LATS2: variants seen among roughly 807,000 people sequenced by gnomAD.
LATS2 encodes serine/threonine-protein kinase LATS2.
In LATS2, 24 loss-of-function variants were observed where a neutral mutation model predicts 76.0. The observed-to-expected ratio is 0.32, with a 90% CI of 0.23 to 0.44. LATS2 has a LOEUF of 0.44. Ranked by LOEUF, LATS2 falls within the 20% of genes least tolerant of loss-of-function variation. LATS2 has a pLI of 1.00. For missense variants in LATS2, 1,286 were observed against 1,481.2 expected, an observed-to-expected ratio of 0.87 and a Z score of 2.16; for synonymous variants, 692 against 635.4, an observed-to-expected ratio of 1.09 and a Z score of -1.34.
At chr13:21,031,315 T>C (rs1210861689) in intron 2 of LATS2, among the ~76,000 whole-genome samples, 4 of 152,208 alleles carry the variant, frequency 2.6e-5, no homozygotes, top group Non-Finnish European at 4.4e-5. Flanking sequence ...TATTCTTGGA[T>C]TTCAATTTCA....
intron 2 of LATS2, among the ~76,000 whole-genome samples, chr13:20,993,690 G>C (rs1870611421): frequency 6.6e-6 from 1 of 152,192 alleles, no homozygotes; most frequent in Non-Finnish European, 1.5e-5. Context: ...GTTGCAGAGA[G>C]AAGGCAGCGG....
chr13:20,988,719 C>T lies in LATS2; in HGVS notation c.1061G>A (p.Ser354Asn). Residue 354 changes from serine (S) to asparagine (N), a missense_variant, in exon 4 of 8, where the codon AGC (serine) becomes AAC (asparagine). By Grantham distance (46) the Ser-to-Asn change is conservative. Transcript: ENST00000382592. The part of the protein sequence containing the change: ...PQSLLTPSRN[S>N]LNVDLYELGS... ...CAATTCATACAGGTCCACGTTGAGG[C>T]TGTTCCGCGAGGGAGTGAGCAGGCT... The T allele has an allele frequency of 6.4e-7, 1 of 1,565,406 alleles. No homozygotes were observed. Among genetic ancestry groups the T allele is most frequent in the Non-Finnish European group, 8.6e-7 (1 of 1,162,994 alleles).
Position 21,042,638 on chromosome 13 carries a change from G to C in LATS2, c.342+3047C>G, listed in dbSNP as rs1022389690. Among the ~76,000 whole-genome samples, 3 of 151,976 alleles carry C rather than the reference G, an allele frequency of 2.0e-5. No homozygotes were observed. In the South Asian group the frequency reaches 6.2e-4, roughly 32 times the overall value. ...GAAGGTCGAGGCTGCAGTGAGCATT[G>C]ACCTCACCACCACACTCCAGACTGT... On this transcript the variant is annotated intron_variant, in intron 2 of 7. Transcript: ENST00000382592.
chr13:21,016,890 T>A (rs1254505170), intron 2 of LATS2, among the ~76,000 whole-genome samples: 1 of 152,236 alleles, frequency 6.6e-6, no homozygotes, highest in South Asian at 2.1e-4. Flanking sequence ...TTCCTGTTGT[T>A]AAGTCCGGTT....
chr13:21,007,680 A>AGTG (rs1167947925), intron 2 of LATS2, among the ~76,000 whole-genome samples: 86 of 2,942 alleles, frequency 0.029, 21 homozygotes, highest in East Asian at 0.12. Context: ...ATATATATAT[A>AGTG]TAGTATATAT....
chr13:20,978,902 C>T (rs1030583327), intron 7 of LATS2, among the ~76,000 whole-genome samples: 4 of 152,120 alleles, frequency 2.6e-5, no homozygotes, highest in African/African-American at 9.7e-5. Flanking sequence ...GCTGGGATTA[C>T]AGGTGCACAC....
chr13:21,001,580 A>G (rs368665309), intron 2 of LATS2, among the ~76,000 whole-genome samples: 1 of 152,180 alleles, frequency 6.6e-6, no homozygotes, highest in Non-Finnish European at 1.5e-5. Context: ...ACTGTGTTGC[A>G]GTTCTAACCC....
intron 2 of LATS2, among the ~76,000 whole-genome samples, chr13:20,994,819 T>C (rs2138303949): frequency 6.9e-6 from 1 of 144,648 alleles, no homozygotes; most frequent in East Asian, 2.0e-4. Flanking sequence ...GTCCAGGAAG[T>C]AGGGCAGGCT....
At chr13:21,046,251 G>T in intron 1 of LATS2, 21 bp from the exon 2 acceptor site, 1 of 443,978 alleles carries the variant, frequency 2.3e-6, no homozygotes, top group Non-Finnish European at 4.0e-6. Flanking sequence ...AAATAAATGG[G>T]AGAGAAATGT....
chr13:20,983,430 C>T lies in LATS2; in HGVS notation c.2276G>A (p.Arg759Gln), dbSNP rs750816560. 67 of 1,613,852 alleles carry T rather than the reference C, an allele frequency of 4.2e-5. No individual in the cohort carries two copies. Among genetic ancestry groups the T allele is most frequent in the East Asian group, 6.7e-5 (3 of 44,878 alleles). The change falls in exon 5 of 8, where the codon CGG (arginine) becomes CAG (glutamine). Residue 759 changes from arginine (R) to glutamine (Q), a missense_variant. Transcript: ENST00000382592. ...PGGDMMSLLI[R>Q]MEVFPEHLAR... ...CAGGTGCTCAGGGAAGACCTCCATC[C>T]GGATCAGCAGGCTCATCATGTCCCC...
Position 20,988,790 on chromosome 13 carries a change from C to A in LATS2, c.990G>T (p.Val330=). Residue 330 remains valine, a synonymous_variant, in exon 4 of 8, where the codon GTG becomes GTT. Coordinates refer to ENST00000382592, the MANE Select transcript of LATS2 (RefSeq NM_014572.3). ...CGAACACCTGGCTGCGGGAGCCCAG[C>A]ACATGCAGCTGGTGGGCCGCGGGAC... The part of the protein sequence containing the change: ...QAGPAAHQLH[V]LGSRSQVFAS... 1.3e-6 allele frequency: 2 copies of A among 1,593,768 alleles called. No individual in the cohort carries two copies. Among genetic ancestry groups the A allele is most frequent in the South Asian group, 2.2e-5 (2 of 90,272 alleles).
intron 2 of LATS2, among the ~76,000 whole-genome samples, chr13:21,043,051 C>T (rs558835648): frequency 2.1e-5 from 3 of 145,042 alleles, no homozygotes; most frequent in South Asian, 2.2e-4. Context: ...TAAGAACTCT[C>T]GGCCAGACGT....
Position 20,973,978 on chromosome 13 carries a change from C to CA in LATS2, c.*891_*892insT, listed in dbSNP as rs1385700443. 5.0e-6 allele frequency: 1 copy of CA among 199,756 alleles called. No individual in the cohort carries two copies. Among genetic ancestry groups the CA allele is most frequent in the East Asian group, 8.5e-5 (1 of 11,726 alleles). 12.4% of individuals were successfully genotyped at this position (199,756 alleles called of 1,614,324 possible). A position where few individuals can be genotyped will look rare whatever the true frequency, so the allele number is the denominator to read the frequency against. Reference sequence around the variant, plus strand: ...TATGACAAATGTTTCAGTTCCCCCCCCCCAAAGAATCCAATCACAACCAAG... The same window carrying CA: ...TATGACAAATGTTTCAGTTCCCCCCCACCCAAAGAATCCAATCACAACCAAG... On this transcript the variant is annotated 3_prime_UTR_variant, in exon 8 of 8. Coordinates refer to ENST00000382592, the MANE Select transcript of LATS2 (RefSeq NM_014572.3).
At chr13:21,044,927 T>C (rs1873011587) in intron 2 of LATS2, among the ~76,000 whole-genome samples, 1 of 152,038 alleles carries the variant, frequency 6.6e-6, no homozygotes, top group Non-Finnish European at 1.5e-5. Flanking sequence ...GGAGTCTCGC[T>C]ATGTTGTCCA....
chr13:21,056,047 C>T (rs1192176945), intron 1 of LATS2, among the ~76,000 whole-genome samples: 2 of 152,246 alleles, frequency 1.3e-5, no homozygotes, highest in Admixed American at 1.3e-4. Flanking sequence ...ATAGCAGCAT[C>T]ATCACAAGGC....
intron 2 of LATS2, among the ~76,000 whole-genome samples, chr13:21,039,845 G>T (rs1360017212): frequency 6.6e-6 from 1 of 152,210 alleles, no homozygotes; most frequent in African/African-American, 2.4e-5. Context: ...AGCTGAGGGT[G>T]AGTGGATCCC....
At chr13:20,998,765 ACAACCTT>A (rs1870886633) in intron 2 of LATS2, among the ~76,000 whole-genome samples, 1 of 139,684 alleles carries the variant, frequency 7.2e-6, no homozygotes, top group African/African-American at 2.6e-5. Context: ...GCGGGGCCCG[ACAACCTT>A]GGGCTGGTGG....
At chr13:21,023,448 T>A (rs948772663) in intron 2 of LATS2, among the ~76,000 whole-genome samples, 1 of 151,488 alleles carries the variant, frequency 6.6e-6, no homozygotes, top group Non-Finnish European at 1.5e-5. Flanking sequence ...GTGGGTAGAA[T>A]AGAACCCAAC....
intron 2 of LATS2, among the ~76,000 whole-genome samples, chr13:21,029,372 T>C (rs950517477): frequency 1.3e-5 from 2 of 152,268 alleles, no homozygotes; most frequent in African/African-American, 4.8e-5. Context: ...TTAATTATAT[T>C]GATTTTCTAA....
Sources: gnomAD v4.1 joint callset for allele counts (sites outside exome capture counted in the v4.1 genomes callset) on GRCh38, gnomAD v4.1.1 for gene constraint, MANE v1.5 for transcripts, NCBI Gene and HGNC (gene_info 2026-07-23, HGNC 2026-07-21) for gene names.